Variants in ANAPC1 observed in about 807,000 individuals in gnomAD.
ANAPC1 encodes the protein anaphase promoting complex subunit 1.
A neutral mutation model predicts 208.0 loss-of-function variants in ANAPC1; 36 were observed. The ratio of observed to expected loss-of-function variants is 0.17; its 90% CI spans 0.13 to 0.23. The LOEUF (loss-of-function observed/expected upper bound fraction) is 0.23, where lower values mean the gene tolerates loss of function less well. Among genes scored for constraint, ANAPC1 ranks in the 10% least tolerant of loss-of-function variants. The pLI is 1.00. For missense variants in ANAPC1, 942 were observed against 2,011.6 expected (o/e 0.47, Z 10.17); for synonymous variants, 378 against 695.2 (o/e 0.54, Z 7.18).
chr2:111,846,555 ATATATTTTTT>A (rs1681088698), intron 16 of ANAPC1, among the ~76,000 whole-genome samples: 1 of 59,954 alleles, frequency 1.7e-5, no homozygotes. Context: ...ATATATATAT[ATATATTTTTT>A]TTTTTTTTTT....
At chr2:111,848,422 A>G (rs564011356) in intron 14 of ANAPC1, among the ~76,000 whole-genome samples, 4,964 of 151,102 alleles carry the variant, frequency 0.033, 176 homozygotes, top group African/African-American at 0.082. Context: ...ATGCAAGGAA[A>G]GTCATAGCTA....
downstream of ANAPC1, chr2:111,767,630 A>G (rs985884263): frequency 7.6e-6 from 1 of 131,320 alleles, no homozygotes; most frequent in African/African-American, 3.1e-5. Context: ...ATATGTGTGC[A>G]AACAACTAAT....
In ANAPC1 at chr2:111,859,044, C is replaced by T. The variant is rs566037466; in HGVS notation, c.1263-643G>A. Among the ~76,000 whole-genome samples the T allele has an allele frequency of 8.3e-4, 127 of 152,306 alleles. 2 individuals carry two copies. Among genetic ancestry groups the T allele is most frequent in the African/African-American group, 2.8e-3 (117 of 41,562 alleles). ...TAAGCCACCTACTTGTAAAGTAATG[C>T]ATGCAAACTTGAATTCCTATCCCGC... On this transcript the variant is annotated intron_variant, in intron 10 of 47. Coordinates refer to ENST00000341068, the MANE Select transcript of ANAPC1 (RefSeq NM_022662.4).
intron 8 of ANAPC1, 35 bp from the exon 9 acceptor site, chr2:111,863,930 A>C: frequency 6.5e-7 from 1 of 1,540,564 alleles, no homozygotes; most frequent in South Asian, 1.2e-5. Flanking sequence ...GGAAAAAAAA[A>C]AAAACAATAA....
chr2:111,864,092 T>C (rs1413324243), intron 8 of ANAPC1, among the ~76,000 whole-genome samples, 197 bp from the exon 9 acceptor site: 1 of 151,460 alleles, frequency 6.6e-6, no homozygotes, highest in African/African-American at 2.4e-5. Flanking sequence ...TTTGGGAGGG[T>C]GAGGAGAGAG....
At position 111,855,997 on chromosome 2, in the gene ANAPC1, A is replaced by C. The variant is rs189066284; in HGVS notation, c.1515+617T>G. 5.3e-3 allele frequency among the ~76,000 whole-genome samples: 806 copies of C among 152,320 alleles called. 7 individuals carry two copies. The highest frequency in any genetic ancestry group is 0.017 in the African/African-American group (705 of 41,574). Reference sequence around the variant, plus strand: ...ACGCCTGTAATCCCAGCACGTTAGGAGGCCGAGGTGGGTGGATCACGAGGT... The same window carrying C: ...ACGCCTGTAATCCCAGCACGTTAGGCGGCCGAGGTGGGTGGATCACGAGGT... On this transcript the variant is annotated intron_variant, in intron 13 of 47. Transcript: ENST00000341068.
At chr2:111,866,943 C>T (rs906178480) in intron 7 of ANAPC1, among the ~76,000 whole-genome samples, 1 of 152,152 alleles carries the variant, frequency 6.6e-6, no homozygotes, top group Non-Finnish European at 1.5e-5. Flanking sequence ...TTGCTGTCCA[C>T]ATACTGACTC....
chr2:111,841,313 G>A (rs1241606496), intron 17 of ANAPC1, among the ~76,000 whole-genome samples: 12 of 151,740 alleles, frequency 7.9e-5, no homozygotes, highest in Non-Finnish European at 7.4e-5. Flanking sequence ...GGGGGAGGAA[G>A]GACACAAAAC....
chr2:111,878,434 C>T (rs966158068), intron 3 of ANAPC1, among the ~76,000 whole-genome samples: 3 of 152,162 alleles, frequency 2.0e-5, no homozygotes, highest in Non-Finnish European at 4.4e-5. Flanking sequence ...TTCTCTCTAC[C>T]ATTATGAATC....
At chr2:111,856,728 T>G (rs558574624) in intron 12 of ANAPC1, 49 bp from the exon 13 acceptor site, 1 of 1,613,186 alleles carries the variant, frequency 6.2e-7, no homozygotes, top group African/African-American at 1.3e-5. Context: ...CTGAGCAAAT[T>G]AACAGATTTT....
At chr2:111,881,133 C>T (rs1056221141) in intron 1 of ANAPC1, among the ~76,000 whole-genome samples, 8 of 151,774 alleles carry the variant, frequency 5.3e-5, no homozygotes, top group African/African-American at 1.5e-4. Context: ...CACTACTATA[C>T]GCTAATTTTT....
intron 34 of ANAPC1, among the ~76,000 whole-genome samples, chr2:111,798,858 C>A (rs1678292951): frequency 6.6e-6 from 1 of 152,264 alleles, no homozygotes; most frequent in African/African-American, 2.4e-5. Context: ...CACAGTGAAA[C>A]CCCGTCTCTA....
intron 33 of ANAPC1, among the ~76,000 whole-genome samples, chr2:111,801,924 GA>G (rs1354240044): frequency 1.3e-5 from 2 of 151,872 alleles, no homozygotes; most frequent in Non-Finnish European, 2.9e-5. Flanking sequence ...GAATTAGAGG[GA>G]AAATTTTAGA....
intron 21 of ANAPC1, among the ~76,000 whole-genome samples, chr2:111,828,751 C>G (rs1034416849): frequency 6.6e-6 from 1 of 152,070 alleles, no homozygotes; most frequent in African/African-American, 2.4e-5. Context: ...GAGACAAATT[C>G]ATAAGAAACA....
chr2:111,799,205 A>C (rs373268526), intron 34 of ANAPC1, among the ~76,000 whole-genome samples: 9 of 152,246 alleles, frequency 5.9e-5, no homozygotes, highest in African/African-American at 2.2e-4. Context: ...AAAAGTTCTC[A>C]ACATTAACAG....
At chr2:111,880,886 A>C (rs1193032599) in intron 1 of ANAPC1, 37 bp from the exon 2 acceptor site, 1 of 1,524,200 alleles carries the variant, frequency 6.6e-7, no homozygotes, top group Admixed American at 1.8e-5. Context: ...CAGCTTCCAG[A>C]CTCAAAACTA....
At chr2:111,850,245 C>T (rs11901251) in intron 14 of ANAPC1, among the ~76,000 whole-genome samples, 96,810 of 143,458 alleles carry the variant, frequency 0.67, 33,155 homozygotes, top group African/African-American at 0.75. Flanking sequence ...CAAATATCCA[C>T]TAAAAAATGT....
At chr2:111,842,543 T>G (rs1191661919) in intron 17 of ANAPC1, among the ~76,000 whole-genome samples, 1 of 149,964 alleles carries the variant, frequency 6.7e-6, no homozygotes, top group Non-Finnish European at 1.5e-5. Context: ...CTCGGGAGGC[T>G]GAGGCAGGAA....
chr2:111,847,012 G>A lies in ANAPC1; in HGVS notation c.1852+126C>T, dbSNP rs991213852. The A allele has an allele frequency of 6.8e-5, 50 of 730,844 alleles. 1 individual carries two copies. The African/African-American group carries it at 7.4e-4, about 11-fold the overall frequency. The allele number at this position is 730,844 out of a possible 1,614,324, so 45.3% of individuals were successfully genotyped here. A position where few individuals can be genotyped will look rare whatever the true frequency, so the allele number is the denominator to read the frequency against. On this transcript the variant is annotated intron_variant, in intron 16 of 47. Transcript: ENST00000341068. ...ACAAAGCACTCCCTAGCTCTTTAAA[G>A]CTCCTCTACAAAGCTAAGAACTTGA...
Sources: allele counts gnomAD v4.1 joint callset (sites outside exome capture counted in the v4.1 genomes callset), GRCh38; gene constraint gnomAD v4.1.1; transcripts MANE v1.5; gene names NCBI Gene and HGNC (gene_info 2026-07-23, HGNC 2026-07-21).